The following PRKAR2B variants were observed in gnomAD, a reference collection of about 807,000 sequenced individuals.
PRKAR2B encodes cAMP-dependent protein kinase type II-beta regulatory subunit.
Under a neutral mutation model 49.9 loss-of-function variants are expected in PRKAR2B, and 14 were observed. That is an observed-to-expected ratio of 0.28 (90% confidence interval 0.19 to 0.44). PRKAR2B has a LOEUF of 0.44. Ranked by LOEUF, PRKAR2B falls within the 20% of genes least tolerant of loss-of-function variation. The probability of loss-of-function intolerance (pLI) is 1.00; values close to 1 mark genes in which losing one functional copy is unlikely to be tolerated. For missense variants in PRKAR2B, 393 were observed against 537.9 expected (o/e 0.73, Z 2.67); for synonymous variants, 196 against 197.7 (o/e 0.99, Z 0.07).
intron 2 of PRKAR2B, among the ~76,000 whole-genome samples, chr7:107,078,945 T>G (rs1193262950): frequency 6.6e-6 from 1 of 152,192 alleles, no homozygotes. Context: ...CCTCAGACTC[T>G]TCACACTGGT....
chr7:107,156,871 A>G, intron 8 of PRKAR2B, 113 bp from the exon 9 acceptor site: 1 of 859,762 alleles, frequency 1.2e-6, no homozygotes, highest in African/African-American at 1.7e-5. Context: ...TTCACTTTTC[A>G]GGTGAATATG....
chr7:107,107,499 G>A (rs1215653258), intron 2 of PRKAR2B, among the ~76,000 whole-genome samples: 1 of 152,044 alleles, frequency 6.6e-6, no homozygotes, highest in African/African-American at 2.4e-5. Flanking sequence ...CCTCTGGGAT[G>A]CTTCCCGTTG....
chr7:107,139,051 A>C (rs1795748389), intron 4 of PRKAR2B, among the ~76,000 whole-genome samples: 1 of 152,040 alleles, frequency 6.6e-6, no homozygotes. Context: ...TTTTTCTCTG[A>C]TTTGCTCTTT....
chr7:107,080,509 A>ACTTGCAGTC (rs1562850164), intron 2 of PRKAR2B, among the ~76,000 whole-genome samples: 2 of 152,182 alleles, frequency 1.3e-5, no homozygotes, highest in African/African-American at 4.8e-5. Flanking sequence ...CCCTTGAAGT[A>ACTTGCAGTC]CTTGCAGTCT....
In PRKAR2B at chr7:107,045,004, C is replaced by T. The variant is rs1430494559; in HGVS notation, c.97C>T (p.Leu33=). 2 of 1,549,750 alleles carry T rather than the reference C, an allele frequency of 1.3e-6. No homozygotes were observed. The highest frequency in any genetic ancestry group is 1.7e-6 in the Non-Finnish European group (2 of 1,149,848). ...GCCCGCGGACCTGCTGGAGTTCGCG[C>T]TGCAGCACTTCACCCGCCTGCAGCA... ...HQPADLLEFA[L]QHFTRLQQEN... Residue 33 remains leucine (L), a synonymous_variant, in exon 1 of 11, where the codon CTG becomes TTG. Coordinates refer to ENST00000265717, the MANE Select transcript of PRKAR2B (RefSeq NM_002736.3).
intron 7 of PRKAR2B, among the ~76,000 whole-genome samples, chr7:107,151,855 A>G (rs774646522): frequency 2.6e-5 from 4 of 152,202 alleles, no homozygotes; most frequent in Non-Finnish European, 5.9e-5. Flanking sequence ...CTTTCAAACA[A>G]CTGTAAGGTT....
At chr7:107,118,556 G>A (rs538323510) in intron 2 of PRKAR2B, among the ~76,000 whole-genome samples, 5 of 152,158 alleles carry the variant, frequency 3.3e-5, no homozygotes, top group Admixed American at 1.3e-4. Context: ...GGAGGGCTGC[G>A]TCTCAGCCTG....
At chr7:107,074,395 C>T (rs971212902) in intron 2 of PRKAR2B, among the ~76,000 whole-genome samples, 5 of 152,078 alleles carry the variant, frequency 3.3e-5, no homozygotes, top group Admixed American at 1.3e-4. Context: ...TGAGCCACTG[C>T]GCCCGGCCAC....
intron 2 of PRKAR2B, among the ~76,000 whole-genome samples, chr7:107,092,721 A>G (rs1265054675): frequency 6.6e-6 from 1 of 152,196 alleles, no homozygotes; most frequent in African/African-American, 2.4e-5. Flanking sequence ...ACAATTTTAA[A>G]CATAACATAA....
intron 2 of PRKAR2B, among the ~76,000 whole-genome samples, chr7:107,116,359 C>T (rs960677603): frequency 1.3e-5 from 2 of 152,080 alleles, no homozygotes; most frequent in African/African-American, 2.4e-5. Flanking sequence ...TGTGTTCCTC[C>T]GGCACTTTGT....
chr7:107,115,660 G>A (rs1795258922), intron 2 of PRKAR2B, among the ~76,000 whole-genome samples: 2 of 152,154 alleles, frequency 1.3e-5, no homozygotes, highest in Admixed American at 6.5e-5. Context: ...GCCAGAGAAA[G>A]AGAGAGGGAG....
At chr7:107,143,151 T>C (rs1795819760) in intron 5 of PRKAR2B, among the ~76,000 whole-genome samples, 1 of 152,254 alleles carries the variant, frequency 6.6e-6, no homozygotes, top group Non-Finnish European at 1.5e-5. Context: ...CATTTGGCTT[T>C]GTTTTACCCT....
At position 107,151,033 on chromosome 7, in the gene PRKAR2B, T is replaced by C. The variant is rs765765855; in HGVS notation, c.843+10T>C. The C allele has an allele frequency of 1.4e-6, 2 of 1,420,156 alleles. No homozygotes were observed. The highest frequency in any genetic ancestry group is 2.5e-5 in the East Asian group (1 of 39,428). The allele number at this position is 1,420,156 out of a possible 1,614,324, so 88.0% of individuals were successfully genotyped here. ...CCTTAAATCTTTGGAGGTAAGTATA[T>C]GTTTATGCTTTTATTTTATTTTGCT... On this transcript the variant is annotated intron_variant, in intron 7 of 10. Coordinates refer to ENST00000265717, the MANE Select transcript of PRKAR2B (RefSeq NM_002736.3).
chr7:107,086,764 A>G (rs556424905), intron 2 of PRKAR2B, among the ~76,000 whole-genome samples: 7 of 152,262 alleles, frequency 4.6e-5, no homozygotes, highest in African/African-American at 1.7e-4. Flanking sequence ...CCGGACGAAA[A>G]TGTCTTTATA....
In PRKAR2B at chr7:107,063,693, C is replaced by T. The variant is rs143651501; in HGVS notation, c.308-6588C>T. Among the ~76,000 whole-genome samples, 362 of 152,190 alleles carry T rather than the reference C, an allele frequency of 2.4e-3. 2 individuals are homozygous for T. The highest frequency in any genetic ancestry group is 8.2e-3 in the African/African-American group (341 of 41,510). ...TTTGAATATGGGTATTTTCTATAAC[C>T]GTACTCTTATTAGTAGGCCAACCTT... On this transcript the variant is annotated intron_variant, in intron 1 of 10. Coordinates refer to ENST00000265717, the MANE Select transcript of PRKAR2B (RefSeq NM_002736.3).
At chr7:107,085,154 C>T (rs1311861224) in intron 2 of PRKAR2B, among the ~76,000 whole-genome samples, 3 of 151,934 alleles carry the variant, frequency 2.0e-5, no homozygotes, top group Non-Finnish European at 4.4e-5. Context: ...CATCTATAAG[C>T]AATAATGTTA....
At chr7:107,054,817 T>G (rs1374574273) in intron 1 of PRKAR2B, among the ~76,000 whole-genome samples, 1 of 151,592 alleles carries the variant, frequency 6.6e-6, no homozygotes, top group Non-Finnish European at 1.5e-5. Flanking sequence ...TTAAATAGAC[T>G]TTTTTTTATT....
At chr7:107,157,082 T>TAA in intron 9 of PRKAR2B, 33 bp downstream of exon 9, 1 of 1,607,850 alleles carries the variant, frequency 6.2e-7, no homozygotes, top group Non-Finnish European at 8.5e-7. Flanking sequence ...ACCCACATAC[T>TAA]GTTAGCAAGG....
chr7:107,073,773 CAG>C (rs1319721515), intron 2 of PRKAR2B, among the ~76,000 whole-genome samples: 4 of 152,028 alleles, frequency 2.6e-5, no homozygotes, highest in African/African-American at 9.7e-5. Context: ...ATCCTTAAGA[CAG>C]AGAGGCCTGG....
Sources: allele counts gnomAD v4.1 joint callset (sites outside exome capture counted in the v4.1 genomes callset), GRCh38; gene constraint gnomAD v4.1.1; transcripts MANE v1.5; gene names NCBI Gene and HGNC (gene_info 2026-07-23, HGNC 2026-07-21).